SVEP1: variants seen among roughly 807,000 people sequenced by gnomAD.
SVEP1 encodes sushi, von Willebrand factor type A, EGF and pentraxin domain-containing protein 1.
In SVEP1, 164 loss-of-function variants were observed where a neutral mutation model predicts 367.3. That is an observed-to-expected ratio of 0.45 (90% CI 0.39 to 0.51). SVEP1 has a LOEUF of 0.51. SVEP1 is among the 20% of genes least tolerant of loss of function. The pLI is 0.00. For synonymous variants in SVEP1, 1,666 were observed against 1,611.6 expected (o/e 1.03, Z -0.81); for missense variants, 4,117 against 4,425.3 (o/e 0.93, Z 1.98).
At chr9:110,429,102 A>T in intron 35 of SVEP1, 41 bp downstream of exon 35, 1 of 1,438,542 alleles carries the variant, frequency 7.0e-7, no homozygotes, top group Non-Finnish European at 9.2e-7. Flanking sequence ...AGCGAGTAAC[A>T]CAGTATTGTA....
At chr9:110,395,425 T>C (rs1029960966) in intron 40 of SVEP1, among the ~76,000 whole-genome samples, 4 of 152,146 alleles carry the variant, frequency 2.6e-5, no homozygotes, top group Admixed American at 6.6e-5. Flanking sequence ...CCATCAAGGC[T>C]AGGAAGAAAC....
Position 110,450,252 on chromosome 9 carries a change from A to T in SVEP1, c.3910T>A (p.Cys1304Ser). Reference sequence around the variant, plus strand: ...TGGCATTCATTGACTTCTGTTTCACAATGCAGGCCTGAGGATGGAGAAGGA... The same window carrying T: ...TGGCATTCATTGACTTCTGTTTCACTATGCAGGCCTGAGGATGGAGAAGGA... The part of the protein sequence containing the change: ...TCVKGFVGLH[C>S]ETEVNECQSN... Residue 1304 changes from cysteine to serine, a missense_variant, in exon 24 of 48, where the codon TGT becomes AGT. Cys to Ser is a moderately radical substitution (Grantham distance 112, BLOSUM62 -1). Coordinates refer to ENST00000374469, the MANE Select transcript of SVEP1 (RefSeq NM_153366.4). 1 of 1,613,674 alleles carries T rather than the reference A, an allele frequency of 6.2e-7. No homozygotes were observed. Among genetic ancestry groups the T allele is most frequent in the Non-Finnish European group, 8.5e-7 (1 of 1,179,750 alleles).
chr9:110,562,524 G>T (rs1188166410), intron 1 of SVEP1, among the ~76,000 whole-genome samples: 1 of 152,070 alleles, frequency 6.6e-6, no homozygotes, highest in Non-Finnish European at 1.5e-5. Flanking sequence ...ATTACATATG[G>T]TATTTGGACA....
At chr9:110,478,389 T>C (rs1829131699) in intron 13 of SVEP1, among the ~76,000 whole-genome samples, 1 of 152,240 alleles carries the variant, frequency 6.6e-6, no homozygotes, top group African/African-American at 2.4e-5. Flanking sequence ...GTGTCTAGAA[T>C]AGGACATACT....
intron 25 of SVEP1, 108 bp downstream of exon 25, chr9:110,446,792 G>T: frequency 1.1e-6 from 1 of 928,420 alleles, no homozygotes; most frequent in Non-Finnish European, 1.5e-6. Flanking sequence ...AAAGTGCTTG[G>T]CATCGTTTTT....
intron 9 of SVEP1, 35 bp downstream of exon 9, chr9:110,489,615 T>C: frequency 6.3e-7 from 1 of 1,585,310 alleles, no homozygotes; most frequent in Non-Finnish European, 8.6e-7. Flanking sequence ...CAAGATGACG[T>C]TTGGATGGGG....
chr9:110,417,242 C>A (rs1462325026), intron 36 of SVEP1, among the ~76,000 whole-genome samples: 4 of 144,344 alleles, frequency 2.8e-5, no homozygotes. Context: ...ACGGTGGGCG[C>A]AGGCCAGTGT....
intron 36 of SVEP1, among the ~76,000 whole-genome samples, chr9:110,423,112 G>A (rs1828189052): frequency 9.3e-6 from 1 of 106,992 alleles, no homozygotes; most frequent in Non-Finnish European, 1.9e-5. Flanking sequence ...CTAAAACTTA[G>A]AGTATAATAA....
At chr9:110,384,162 G>A (rs150177733) in intron 43 of SVEP1, among the ~76,000 whole-genome samples, 45 of 152,296 alleles carry the variant, frequency 3.0e-4, no homozygotes, top group African/African-American at 8.2e-4. Flanking sequence ...CCCTGGTGGC[G>A]TGGGCTCATG....
intron 24 of SVEP1, among the ~76,000 whole-genome samples, chr9:110,447,779 G>A (rs1828625482): frequency 6.6e-6 from 1 of 152,152 alleles, no homozygotes; most frequent in Non-Finnish European, 1.5e-5. Flanking sequence ...GGTGCACAGG[G>A]ACCCATATAA....
rs1432472533 is a variant in SVEP1, at chr9:110,407,552, T to C, written c.8048A>G (p.Tyr2683Cys). ...SNFLYGTMVS[Y>C]TCNPGYELLG... Reference sequence around the variant, plus strand: ...AAGTTCATATCCTGGATTACAGGTGTATGAAACCATGGTACCATACAGAAA... The same window carrying C: ...AAGTTCATATCCTGGATTACAGGTGCATGAAACCATGGTACCATACAGAAA... Residue 2683 changes from tyrosine to cysteine, a missense_variant, in exon 38 of 48, where the codon TAC becomes TGC. This residue lies in a region of SVEP1 where 1,765 missense variants were observed against 1,781.1 expected (regional missense o/e 0.99). Transcript: ENST00000374469. The C allele has an allele frequency of 1.2e-6, 2 of 1,613,978 alleles. No homozygotes were observed. The highest frequency in any genetic ancestry group is 4.5e-5 in the East Asian group (2 of 44,876).
In SVEP1 at chr9:110,411,619, G is replaced by A; in HGVS notation, c.6092C>T (p.Ser2031Phe). ...AAAGAGCCGATGGGCAGTCTCTGGA[G>A]AGGCGTGGTCCACAATGGGTGGCTC... is the stretch of plus-strand genomic sequence containing the variant. ...CDEPPIVDHA[S>F]PETAHRLFGD... is the part of the protein sequence containing the mutation. Residue 2031 changes from serine to phenylalanine, a missense_variant, in exon 37 of 48, where the codon TCT (serine) becomes TTT (phenylalanine). This residue lies in a region of SVEP1 where 2,174 missense variants were observed against 2,494.3 expected (regional missense o/e 0.87). Transcript: ENST00000374469. 1 of 1,613,452 alleles carries A rather than the reference G, an allele frequency of 6.2e-7. No homozygotes were observed. Among genetic ancestry groups the A allele is most frequent in the Non-Finnish European group, 8.5e-7 (1 of 1,179,688 alleles).
chr9:110,434,352 T>C lies in SVEP1; in HGVS notation c.5043A>G (p.Pro1681=). 1.2e-6 allele frequency: 2 copies of C among 1,606,434 alleles called. No individual in the cohort carries two copies. Among genetic ancestry groups the C allele is most frequent in the South Asian group, 1.1e-5 (1 of 90,642 alleles). ...YCLNQGQWTQ[P]LPHCERISCG... is the part of the protein sequence containing the mutation. ...GCAGCTCACGTTCACAGTGAGGAAG[T>C]GGTTGTGTCCACTGTCCTTGATTCA... is the stretch of plus-strand genomic sequence containing the variant. Residue 1681 remains proline, a synonymous_variant, in exon 30 of 48, where the codon CCA becomes CCG. Transcript: ENST00000374469.
At chr9:110,470,200 G>A (rs1279362900) in intron 16 of SVEP1, among the ~76,000 whole-genome samples, 1 of 152,182 alleles carries the variant, frequency 6.6e-6, no homozygotes, top group African/African-American at 2.4e-5. Flanking sequence ...TTGGAGTGGG[G>A]AGGGAGAATA....
At chr9:110,562,690 T>TATG (rs1373093262) in intron 1 of SVEP1, among the ~76,000 whole-genome samples, 1 of 151,948 alleles carries the variant, frequency 6.6e-6, no homozygotes, top group Non-Finnish European at 1.5e-5. Context: ...ACTTTTTTAT[T>TATG]ATTATTATTA....
At chr9:110,523,040 T>C (rs2118795463) in intron 3 of SVEP1, among the ~76,000 whole-genome samples, 1 of 152,294 alleles carries the variant, frequency 6.6e-6, no homozygotes, top group Admixed American at 6.5e-5. Flanking sequence ...TGCCCCAAGA[T>C]CTTCAATCGC....
intron 3 of SVEP1, among the ~76,000 whole-genome samples, chr9:110,519,636 C>T (rs894077890): frequency 1.3e-5 from 2 of 152,196 alleles, no homozygotes; most frequent in East Asian, 3.9e-4. Flanking sequence ...ATTACCTGAC[C>T]TGGCCATTGT....
At chr9:110,383,543 C>G (rs1347429567) in intron 43 of SVEP1, among the ~76,000 whole-genome samples, 1 of 51,546 alleles carries the variant, frequency 1.9e-5, no homozygotes, top group African/African-American at 8.4e-5. Flanking sequence ...GGGTCTCATC[C>G]GTGACCCCTG....
chr9:110,449,584 G>A (rs1006653311), intron 24 of SVEP1, among the ~76,000 whole-genome samples: 9 of 152,208 alleles, frequency 5.9e-5, no homozygotes, highest in Admixed American at 5.9e-4. Context: ...TTGGGAGGTT[G>A]AGGCAGGAGA....
Sources: allele counts gnomAD v4.1 joint callset (sites outside exome capture counted in the v4.1 genomes callset), GRCh38; gene constraint gnomAD v4.1.1; regional missense constraint gnomAD v4.1.1; transcripts MANE v1.5; gene names NCBI Gene and HGNC (gene_info 2026-07-23, HGNC 2026-07-21).